The following ATR variants were observed in gnomAD, a reference collection of about 807,000 sequenced individuals.
The protein encoded by ATR is serine/threonine-protein kinase ATR.
ATR carries 142 observed loss-of-function variants against 305.3 expected under a neutral mutation model. The ratio of observed to expected loss-of-function variants is 0.47; its 90% CI spans 0.41 to 0.53. ATR has a LOEUF of 0.53. ATR is among the 20% of genes least tolerant of loss of function. ATR has a pLI of 0.00. For missense variants in ATR, 2,135 were observed against 3,133.1 expected, an observed-to-expected ratio of 0.68 and a Z score of 7.60; for synonymous variants, 1,050 against 1,068.1, an observed-to-expected ratio of 0.98 and a Z score of 0.33.
chr3:142,487,296 C>T (rs1294522443), intron 35 of ATR, among the ~76,000 whole-genome samples: 1 of 152,068 alleles, frequency 6.6e-6, no homozygotes, highest in Non-Finnish European at 1.5e-5. Context: ...ACCACCACAC[C>T]CAGCTAATTT....
chr3:142,482,669 A>G (rs1448204845), intron 36 of ATR, among the ~76,000 whole-genome samples: 5 of 151,976 alleles, frequency 3.3e-5, no homozygotes, highest in Non-Finnish European at 7.4e-5. Flanking sequence ...CTGTCTCTAC[A>G]AAAAATTATT....
intron 2 of ATR, among the ~76,000 whole-genome samples, chr3:142,567,461 G>A (rs1270935464): frequency 6.6e-6 from 1 of 152,182 alleles, no homozygotes; most frequent in African/African-American, 2.4e-5. Flanking sequence ...GCTAGTCTAA[G>A]TCATAAAATC....
intron 46 of ATR, chr3:142,452,195 A>G (rs1228545827): frequency 4.0e-6 from 4 of 999,892 alleles, no homozygotes; most frequent in South Asian, 4.3e-5. Context: ...TCCTCGAGCT[A>G]TATCAGTAGG....
chr3:142,508,839 G>T (rs1052246159), intron 27 of ATR, among the ~76,000 whole-genome samples: 2 of 151,330 alleles, frequency 1.3e-5, no homozygotes, highest in East Asian at 3.9e-4. Flanking sequence ...CAGGAGAATG[G>T]CGTGAACCTG....
intron 30 of ATR, among the ~76,000 whole-genome samples, chr3:142,502,269 T>C (rs1283243637): frequency 6.6e-6 from 1 of 152,256 alleles, no homozygotes; most frequent in African/African-American, 2.4e-5. Flanking sequence ...TACACTCGTA[T>C]GTTCATTGCA....
intron 31 of ATR, among the ~76,000 whole-genome samples, chr3:142,499,345 A>G (rs553226974): frequency 6.6e-6 from 1 of 150,930 alleles, no homozygotes; most frequent in Non-Finnish European, 1.5e-5. Context: ...CCCAGGCTGG[A>G]GTGCAGTGGC....
In ATR at chr3:142,453,165, G is replaced by T; in HGVS notation, c.7724C>A (p.Ala2575Glu). 1 of 1,614,006 alleles carries T rather than the reference G, an allele frequency of 6.2e-7. No individual in the cohort carries two copies. Reference sequence around the variant, plus strand: ...AACTTCTCCAGTTTCATTCAGTGGCGCTTTGGAATGCCCTTTCACTGGTTT... The same window carrying T: ...AACTTCTCCAGTTTCATTCAGTGGCTCTTTGGAATGCCCTTTCACTGGTTT... ...WSKPVKGHSK[A>E]PLNETGEVVN... Residue 2575 changes from alanine to glutamate, a missense_variant, in exon 46 of 47, where the codon GCG becomes GAG. Ala to Glu is a moderately radical substitution (Grantham distance 107). Coordinates refer to ENST00000350721, the MANE Select transcript of ATR (RefSeq NM_001184.4).
chr3:142,549,061 T>C (rs902905095), intron 15 of ATR, among the ~76,000 whole-genome samples: 1 of 152,178 alleles, frequency 6.6e-6, no homozygotes, highest in Non-Finnish European at 1.5e-5. Context: ...TAATTTTAAA[T>C]GTAAAAACTA....
rs568854977 is a variant in ATR, at chr3:142,468,009, C to G, written c.6612G>C (p.Met2204Ile). 5 of 1,612,892 alleles carry G rather than the reference C, an allele frequency of 3.1e-6. No homozygotes were observed. In the South Asian group the frequency reaches 5.5e-5, roughly 18 times the overall value. ...CKEILNKAIH[M>I]KKSLEKFVGD... ...CAACAAACTTCTCTAAGGATTTTTT[C>G]ATATGAATAGCTTTATTGAGGATTT... The change falls in exon 39 of 47, where the codon ATG (methionine) becomes ATC (isoleucine). Residue 2204 changes from methionine to isoleucine, a missense_variant. Physicochemically the swap from Met to Ile is conservative, Grantham distance 10. Transcript: ENST00000350721.
intron 27 of ATR, among the ~76,000 whole-genome samples, chr3:142,511,934 C>T (rs554816448): frequency 6.6e-6 from 1 of 151,762 alleles, no homozygotes; most frequent in African/African-American, 2.4e-5. Flanking sequence ...GCCAATATGG[C>T]AAAACCCTGT....
intron 45 of ATR, among the ~76,000 whole-genome samples, chr3:142,454,300 A>G (rs543052293): frequency 9.9e-5 from 15 of 152,284 alleles, no homozygotes; most frequent in Admixed American, 5.2e-4. Context: ...TCCTCCAGAA[A>G]TTATTTCTTG....
Position 142,515,444 on chromosome 3 carries a change from C to T in ATR, c.4454G>A (p.Ser1485Asn). The stretch of plus-strand genomic sequence containing the variant: ...AGATGCTGACCATTCTGCAAAGTTA[C>T]TACCCAATTTACTTAAGTAAATTGG... ...KKPIYLSKLG[S>N]NFAEWSASWA... The change falls in exon 25 of 47, where the codon AGT becomes AAT. Residue 1485 changes from serine to asparagine, a missense_variant. Ser to Asn is a conservative substitution (Grantham distance 46, BLOSUM62 1). Transcript: ENST00000350721. 1 of 1,613,752 alleles carries T rather than the reference C, an allele frequency of 6.2e-7. No homozygotes were observed. The highest frequency in any genetic ancestry group is 2.2e-5 in the East Asian group (1 of 44,810).
rs565675911 is a variant in ATR, at chr3:142,459,966, TATATAC to T, written c.7193-589_7193-584del. On this transcript the variant is annotated intron_variant, in intron 42 of 46. Coordinates refer to ENST00000350721, the MANE Select transcript of ATR (RefSeq NM_001184.4). Reference sequence around the variant, plus strand: ...ATGTGTACATATCAATATATATGTATATATACATATATTTTTTACACTGACACAAAT... The same window carrying T: ...ATGTGTACATATCAATATATATGTATATATATTTTTTACACTGACACAAAT... Among the ~76,000 whole-genome samples the T allele has an allele frequency of 2.8e-3, 421 of 152,182 alleles. 1 individual carries two copies. Among genetic ancestry groups the T allele is most frequent in the African/African-American group, 9.8e-3 (407 of 41,526 alleles).
chr3:142,536,157 T>C lies in ATR; in HGVS notation c.3770A>G (p.Asp1257Gly). ...DFLHEIYFLP[D>G]HPELKKIKAV... Reference sequence around the variant, plus strand: ...TTTTATCTTTTTTAATTCTGGATGATCAGGTAAAAAATATATTTCATGAAG... The same window carrying C: ...TTTTATCTTTTTTAATTCTGGATGACCAGGTAAAAAATATATTTCATGAAG... Residue 1257 changes from aspartate (D) to glycine (G), a missense_variant, in exon 20 of 47, where the codon GAT becomes GGT. This residue lies in a region of ATR where 530 missense variants were observed against 766.8 expected (regional missense o/e 0.69). Coordinates refer to ENST00000350721, the MANE Select transcript of ATR (RefSeq NM_001184.4). 1 of 1,592,444 alleles carries C rather than the reference T, an allele frequency of 6.3e-7. No homozygotes were observed. Among genetic ancestry groups the C allele is most frequent in the South Asian group, 1.1e-5 (1 of 90,518 alleles).
At chr3:142,541,303 A>C (rs2034044776) in intron 17 of ATR, among the ~76,000 whole-genome samples, 1 of 152,200 alleles carries the variant, frequency 6.6e-6, no homozygotes. Context: ...CATCTAGAAC[A>C]GTACAATTTC....
chr3:142,558,749 A>G lies in ATR; in HGVS notation c.1760T>C (p.Leu587Pro). The G allele has an allele frequency of 6.2e-7, 1 of 1,610,368 alleles. No individual in the cohort carries two copies. Among genetic ancestry groups the G allele is most frequent in the Non-Finnish European group, 8.5e-7 (1 of 1,177,404 alleles). ...QVNSSFEDHI[L>P]EDLCGMLSLP... The stretch of plus-strand genomic sequence containing the variant: ...TGAGAGCATACCACATAAATCTTCC[A>G]GGATATGATCTTCAAATGAACTGTT... Residue 587 changes from leucine (L) to proline (P), a missense_variant, in exon 8 of 47, where the codon CTG becomes CCG. Leu to Pro is a moderately conservative substitution (Grantham distance 98). Transcript: ENST00000350721.
intron 1 of ATR, among the ~76,000 whole-genome samples, chr3:142,569,706 G>C (rs918385214): frequency 1.3e-5 from 2 of 151,896 alleles, no homozygotes; most frequent in Non-Finnish European, 2.9e-5. Context: ...GAGTGCAGTG[G>C]CATGATCTCA....
In ATR at chr3:142,556,567, C is replaced by G. The variant is rs1313533098; in HGVS notation, c.1894G>C (p.Ala632Pro). The change falls in exon 9 of 47, where the codon GCA becomes CCA. Residue 632 changes from alanine (A) to proline (P), a missense_variant. This residue lies in a region of ATR where 744 missense variants were observed against 873.2 expected (regional missense o/e 0.85). Coordinates refer to ENST00000350721, the MANE Select transcript of ATR (RefSeq NM_001184.4). ...CRISDSYSPQAQSRCVFLLTL... is the reference protein window; with the variant it reads ...CRISDSYSPQPQSRCVFLLTL... ...AGAAGAAACACACATCGTGATTGTG[C>G]CTGTGGTGCTGAAAAAATTAAGTCT... The G allele has an allele frequency of 6.2e-7, 1 of 1,613,864 alleles. No individual in the cohort carries two copies. Among genetic ancestry groups the G allele is most frequent in the Non-Finnish European group, 8.5e-7 (1 of 1,179,940 alleles).
chr3:142,514,073 T>A (rs1419865964), intron 25 of ATR, among the ~76,000 whole-genome samples: 3 of 151,254 alleles, frequency 2.0e-5, no homozygotes, highest in Non-Finnish European at 2.9e-5. Flanking sequence ...ATCGAGACCA[T>A]CCTGGCCAAC....
Sources: allele counts gnomAD v4.1 joint callset (sites outside exome capture counted in the v4.1 genomes callset), GRCh38; gene constraint gnomAD v4.1.1; regional missense constraint gnomAD v4.1.1; transcripts MANE v1.5; gene names NCBI Gene and HGNC (gene_info 2026-07-23, HGNC 2026-07-21).